The following FHL1 variants were observed in gnomAD, a reference collection of about 807,000 sequenced individuals.
FHL1 encodes four and a half LIM domains 1, also known as four and a half LIM domains protein 1.
In FHL1, 1 loss-of-function variant was observed where a neutral mutation model predicts 20.3. The ratio of observed to expected loss-of-function variants is 0.05; its 90% CI spans 0.02 to 0.23. The LOEUF is 0.23. Ranked by LOEUF, FHL1 falls within the 10% of genes least tolerant of loss-of-function variation. The pLI is 1.00. For synonymous variants in FHL1, 82 were observed against 88.9 expected, an observed-to-expected ratio of 0.92 and a Z score of 0.44; for missense variants, 177 against 234.0, an observed-to-expected ratio of 0.76 and a Z score of 1.59.
chrX:136,185,807 C>T (rs968805808), intron 2 of FHL1, among the ~76,000 whole-genome samples: 10 of 111,796 alleles, frequency 8.9e-5, no homozygotes, highest in Non-Finnish European at 1.9e-4. Flanking sequence ...ATTTATATAA[C>T]GAACGTGGAT....
At position 136,197,062 on chromosome X, in the gene FHL1, G is replaced by C; in HGVS notation, c.-51G>C. On this transcript the variant is annotated 5_prime_UTR_variant, in exon 1 of 6. Coordinates refer to ENST00000370683, the MANE Select transcript of FHL1 (RefSeq NM_001159699.2). ...AATGAGCCACAGCCTTATCAGCTGGGGTTGAGGGAAGACTGGTCTAGGTGC... is the reference window on the plus strand; with the variant it reads ...AATGAGCCACAGCCTTATCAGCTGGCGTTGAGGGAAGACTGGTCTAGGTGC... The C allele has an allele frequency of 4.2e-6, 5 of 1,182,144 alleles. No homozygotes were observed. Among genetic ancestry groups the C allele is most frequent in the Non-Finnish European group, 5.7e-6 (5 of 871,791 alleles).
At position 136,211,182 on chromosome X, in the gene FHL1, T is replaced by C; in HGVS notation, c.*1157T>C. On this transcript the variant is annotated 3_prime_UTR_variant, in exon 6 of 6. Coordinates refer to ENST00000370683, the MANE Select transcript of FHL1 (RefSeq NM_001159699.2). ...CTACTTACTGTATTCTACATTATTA[T>C]ATGACATAGTATAATGAGACAATAT... 1 of 366,695 alleles carries C rather than the reference T, an allele frequency of 2.7e-6. No individual in the cohort carries two copies. The highest frequency in any genetic ancestry group is 5.2e-6 in the Non-Finnish European group (1 of 192,462). The allele number at this position is 366,695 out of a possible 1,213,427, so 30.2% of individuals were successfully genotyped here.
At chrX:136,180,822 A>AG (rs2073136325) in intron 2 of FHL1, among the ~76,000 whole-genome samples, 1 of 110,082 alleles carries the variant, frequency 9.1e-6, no homozygotes, top group Non-Finnish European at 1.9e-5. Context: ...GCTCACTGCA[A>AG]CCTCTGTCTC....
At chrX:136,198,470 G>A (rs1234292383) in intron 1 of FHL1, among the ~76,000 whole-genome samples, 2 of 111,989 alleles carry the variant, frequency 1.8e-5, no homozygotes, top group Non-Finnish European at 3.8e-5. Flanking sequence ...TCTAATAACT[G>A]TGGCTAAATG....
intron 1 of FHL1, among the ~76,000 whole-genome samples, chrX:136,203,717 AGT>A (rs1427683025): frequency 8.9e-6 from 1 of 112,243 alleles, no homozygotes; most frequent in Non-Finnish European, 1.9e-5. Flanking sequence ...GTGGTTTTAA[AGT>A]GTGAAAAACA....
At chrX:136,160,735 C>A (rs1353275948) in intron 1 of FHL1, among the ~76,000 whole-genome samples, 1 of 112,278 alleles carries the variant, frequency 8.9e-6, no homozygotes, top group Non-Finnish European at 1.9e-5. Flanking sequence ...CTCATTGTTA[C>A]ATCTATTGTT....
At chrX:136,182,072 G>A (rs1389998691) in intron 2 of FHL1, among the ~76,000 whole-genome samples, 1 of 111,746 alleles carries the variant, frequency 8.9e-6, no homozygotes, top group Admixed American at 9.5e-5. Flanking sequence ...AAAAGTAACA[G>A]GTATTCTGGA....
chrX:136,192,394 G>C (rs2073449833), upstream of FHL1, among the ~76,000 whole-genome samples: 1 of 111,518 alleles, frequency 9.0e-6, no homozygotes. Context: ...AACTGTTACT[G>C]ATCATGACAT....
upstream of FHL1, among the ~76,000 whole-genome samples, chrX:136,165,507 G>A (rs1442728023): frequency 8.9e-6 from 1 of 112,070 alleles, no homozygotes; most frequent in African/African-American, 3.2e-5. Flanking sequence ...CATCACAAGT[G>A]TACCTAATTA....
chrX:136,165,689 TTCAAACAG>T (rs1412997303), upstream of FHL1, among the ~76,000 whole-genome samples: 1 of 112,130 alleles, frequency 8.9e-6, no homozygotes, highest in Non-Finnish European at 1.9e-5. Context: ...TTTAAGTTCT[TTCAAACAG>T]CTGTTGTCAC....
chrX:136,209,265 G>C (rs756598405), intron 5 of FHL1: 1 of 1,210,219 alleles, frequency 8.3e-7, no homozygotes, highest in Non-Finnish European at 1.1e-6. Flanking sequence ...TGTCAAGAGT[G>C]AGCCACCCAG....
In FHL1 at chrX:136,186,873, TATATATATAGATAGATAGATAG is replaced by T. The variant is rs1332289099; in HGVS notation, c.-27+16897_-27+16918del. Among the ~76,000 whole-genome samples the T allele has an allele frequency of 6.9e-4, 7 of 10,197 alleles. 1 individual carries two copies. Among genetic ancestry groups the T allele is most frequent in the African/African-American group, 1.2e-3 (7 of 5,887 alleles). 8.9% of individuals were successfully genotyped at this position (10,197 alleles called of 115,157 possible). A position where few individuals can be genotyped will look rare whatever the true frequency, so the allele number is the denominator to read the frequency against. ...CATCTCAAAAAAAAAAAAATATATA[TATATATATAGATAGATAGATAG>T]ATAGATAGATAGATAGATAGATAGA... On this transcript the variant is annotated intron_variant, in intron 2 of 6. Coordinates refer to the FHL1 transcript ENST00000394153.
At chrX:136,151,985 C>T (rs1326795704) in intron 1 of FHL1, among the ~76,000 whole-genome samples, 1 of 111,940 alleles carries the variant, frequency 8.9e-6, no homozygotes, top group Non-Finnish European at 1.9e-5. Flanking sequence ...TATGCATTAT[C>T]TCCCTTGCGG....
In FHL1 at chrX:136,210,984, G is replaced by C; in HGVS notation, c.*959G>C. The stretch of plus-strand genomic sequence containing the variant: ...AGGCGCCAGGGCTGTCATCAACATG[G>C]ATATGACATTTCACAACAGTGACTA... On this transcript the variant is annotated 3_prime_UTR_variant, in exon 6 of 6. Coordinates refer to ENST00000370683, the MANE Select transcript of FHL1 (RefSeq NM_001159699.2). 2.6e-6 allele frequency: 1 copy of C among 377,777 alleles called. No individual in the cohort carries two copies. Among genetic ancestry groups the C allele is most frequent in the Non-Finnish European group, 5.0e-6 (1 of 199,697 alleles). 31.1% of individuals were successfully genotyped at this position (377,777 alleles called of 1,213,427 possible). A position where few individuals can be genotyped will look rare whatever the true frequency, so the allele number is the denominator to read the frequency against.
In FHL1 at chrX:136,207,536, G is replaced by A. The variant is rs970382816; in HGVS notation, c.380-256G>A. The A allele has an allele frequency of 1.9e-5, 8 of 426,854 alleles. No individual in the cohort carries two copies. In the East Asian group the frequency reaches 3.1e-4, roughly 17 times the overall value. The allele number at this position is 426,854 out of a possible 1,213,427, so 35.2% of individuals were successfully genotyped here. On this transcript the variant is annotated intron_variant, in intron 3 of 5. Transcript: ENST00000370683. The stretch of plus-strand genomic sequence containing the variant: ...TCCCTGATTTAATGTCTAAGTGCAC[G>A]CAGGGTATAGAGGTGGGGGAGTGGG...
At chrX:136,168,820 T>C (rs1377836540), upstream of FHL1, among the ~76,000 whole-genome samples, 2 of 111,942 alleles carry the variant, frequency 1.8e-5, no homozygotes, top group African/African-American at 6.5e-5. Context: ...TCCATTTATA[T>C]CCACTGCCTG....
rs1457025734 is a variant in FHL1, at chrX:136,210,108, G to C, written c.*83G>C. On this transcript the variant is annotated 3_prime_UTR_variant, in exon 6 of 6. Coordinates refer to ENST00000370683, the MANE Select transcript of FHL1 (RefSeq NM_001159699.2). ...ACTTTCTGCCCTATACCATCAATAG[G>C]GGAAGAGTGGTCCTTCCCTTCTTTA... 8.8e-7 allele frequency: 1 copy of C among 1,136,841 alleles called. No homozygotes were observed. Among genetic ancestry groups the C allele is most frequent in the Non-Finnish European group, 1.2e-6 (1 of 829,740 alleles). 93.7% of individuals were successfully genotyped at this position (1,136,841 alleles called of 1,213,427 possible). A position where few individuals can be genotyped will look rare whatever the true frequency, so the allele number is the denominator to read the frequency against.
chrX:136,208,463 A>G lies in FHL1; in HGVS notation c.558A>G (p.Thr186=), dbSNP rs2148378187. 2.5e-6 allele frequency: 3 copies of G among 1,211,524 alleles called. No homozygotes were observed. Among genetic ancestry groups the G allele is most frequent in the Non-Finnish European group, 3.4e-6 (3 of 895,384 alleles). ...TACACTCCCTGGTCTAGGCCATCAC[A>G]TCTGGAGGAATCACTTACCAGGATC... ...KHCVKCNKAI[T]SGGITYQDQP... Residue 186 remains threonine (T), a synonymous_variant, in exon 5 of 6, where the codon ACA becomes ACG. Coordinates refer to ENST00000370683, the MANE Select transcript of FHL1 (RefSeq NM_001159699.2).
chrX:136,196,933 A>G, upstream of FHL1: 1 of 1,088,370 alleles, frequency 9.2e-7, no homozygotes, highest in South Asian at 2.0e-5. Context: ...TAAAATGGTT[A>G]AGAATTTTCT....
Sources: allele counts gnomAD v4.1 joint callset (sites outside exome capture counted in the v4.1 genomes callset), GRCh38; gene constraint gnomAD v4.1.1; transcripts MANE v1.5; gene names NCBI Gene and HGNC (gene_info 2026-07-23, HGNC 2026-07-21).